Variants in STXBP5L observed in about 807,000 individuals in gnomAD.
STXBP5L encodes the protein syntaxin-binding protein 5-like.
Under a neutral mutation model 144.5 loss-of-function variants are expected in STXBP5L, and 65 were observed. That is an observed-to-expected ratio of 0.45 (90% CI 0.37 to 0.55). The LOEUF (loss-of-function observed/expected upper bound fraction) is 0.55. Among genes scored for constraint, STXBP5L ranks in the 20% least tolerant of loss-of-function variants. STXBP5L has a pLI of 0.00. For synonymous variants in STXBP5L, 505 were observed against 469.6 expected (o/e 1.08, Z -0.97); for missense variants, 1,298 against 1,405.5 (o/e 0.92, Z 1.22).
intron 3 of STXBP5L, among the ~76,000 whole-genome samples, chr3:121,027,970 T>G (rs763287388): frequency 2.6e-5 from 4 of 152,072 alleles, no homozygotes; most frequent in Admixed American, 1.3e-4. Context: ...TTGAGTACTC[T>G]GTAAACTGTC....
At chr3:121,306,835 TGTACA>T (rs1288447512) in intron 19 of STXBP5L, among the ~76,000 whole-genome samples, 1 of 152,128 alleles carries the variant, frequency 6.6e-6, no homozygotes, top group African/African-American at 2.4e-5. Flanking sequence ...ATCAGAATAC[TGTACA>T]ATGTATGTCC....
chr3:121,100,479 T>G (rs1036726778), intron 5 of STXBP5L, among the ~76,000 whole-genome samples: 4 of 152,090 alleles, frequency 2.6e-5, no homozygotes, highest in African/African-American at 9.7e-5. Context: ...TCTTAAAAAC[T>G]TGCTCCCGAT....
At chr3:121,124,295 ACT>A (rs1470324151) in intron 7 of STXBP5L, among the ~76,000 whole-genome samples, 1 of 151,654 alleles carries the variant, frequency 6.6e-6, no homozygotes, top group East Asian at 1.9e-4. Flanking sequence ...GCTATTTCTG[ACT>A]CATTATTCTA....
intron 5 of STXBP5L, among the ~76,000 whole-genome samples, chr3:121,083,351 T>C (rs919229136): frequency 1.3e-5 from 2 of 152,214 alleles, no homozygotes; most frequent in African/African-American, 4.8e-5. Context: ...TTGTATTTTC[T>C]GGAAGAGATT....
At chr3:121,322,476 C>A (rs1313200947) in intron 20 of STXBP5L, among the ~76,000 whole-genome samples, 96 of 128,382 alleles carry the variant, frequency 7.5e-4, no homozygotes, top group South Asian at 1.3e-3. Flanking sequence ...GAAACTGTGC[C>A]AAAAAAAAAA....
chr3:121,277,335 C>T (rs2050916499), intron 18 of STXBP5L, among the ~76,000 whole-genome samples: 1 of 152,014 alleles, frequency 6.6e-6, no homozygotes, highest in East Asian at 1.9e-4. Flanking sequence ...CCTCTTAATA[C>T]AATCATCTTG....
intron 5 of STXBP5L, among the ~76,000 whole-genome samples, chr3:121,107,080 A>G (rs529912084): frequency 5.4e-4 from 82 of 151,612 alleles, no homozygotes; most frequent in Non-Finnish European, 9.4e-4. Context: ...CCACTTTTTA[A>G]TGGATTCTTT....
chr3:121,351,909 C>T (rs2045299185), intron 20 of STXBP5L, among the ~76,000 whole-genome samples: 1 of 152,094 alleles, frequency 6.6e-6, no homozygotes, highest in Admixed American at 6.6e-5. Flanking sequence ...GATGGCTAGC[C>T]AGTTTTCCCA....
chr3:121,094,902 G>A (rs950184412), intron 5 of STXBP5L, among the ~76,000 whole-genome samples: 12 of 152,038 alleles, frequency 7.9e-5, no homozygotes, highest in African/African-American at 2.2e-4. Context: ...ATTTTGCAGC[G>A]GCTGGTACTG....
intron 12 of STXBP5L, among the ~76,000 whole-genome samples, chr3:121,236,921 G>T (rs1346434647): frequency 2.6e-5 from 4 of 152,210 alleles, no homozygotes; most frequent in Non-Finnish European, 4.4e-5. Flanking sequence ...CAAGTCTCAT[G>T]TAGCTTTAAA....
chr3:120,975,252 C>T (rs1332323598), intron 3 of STXBP5L, among the ~76,000 whole-genome samples: 1 of 152,078 alleles, frequency 6.6e-6, no homozygotes, highest in Non-Finnish European at 1.5e-5. Flanking sequence ...TTGAAGAGGT[C>T]CTTCACGTCC....
intron 14 of STXBP5L, among the ~76,000 whole-genome samples, chr3:121,248,065 T>G (rs541980206): frequency 2.0e-5 from 3 of 152,190 alleles, no homozygotes; most frequent in Non-Finnish European, 4.4e-5. Context: ...TTTTTTTTCT[T>G]CTTTTTTTTG....
intron 3 of STXBP5L, among the ~76,000 whole-genome samples, chr3:120,971,534 T>C (rs1053279403): frequency 1.3e-5 from 2 of 151,870 alleles, no homozygotes; most frequent in Non-Finnish European, 2.9e-5. Context: ...TTCTGAGTCA[T>C]TTCACATCTT....
intron 3 of STXBP5L, among the ~76,000 whole-genome samples, chr3:121,003,584 T>G (rs970805878): frequency 6.6e-5 from 10 of 152,214 alleles, no homozygotes; most frequent in Non-Finnish European, 1.0e-4. Flanking sequence ...ATTTTGGCTT[T>G]TGTTGCCATT....
chr3:121,141,270 G>T (rs775661076), intron 7 of STXBP5L, among the ~76,000 whole-genome samples: 1 of 152,058 alleles, frequency 6.6e-6, no homozygotes, highest in Non-Finnish European at 1.5e-5. Flanking sequence ...GGGGGTGGTT[G>T]CACATGCCTG....
intron 18 of STXBP5L, among the ~76,000 whole-genome samples, chr3:121,274,077 G>T (rs149218719): frequency 6.6e-6 from 1 of 152,118 alleles, no homozygotes; most frequent in African/African-American, 2.4e-5. Flanking sequence ...TCTCCATTTT[G>T]TTGAGGTCAG....
chr3:121,180,282 T>C (rs371853434), intron 9 of STXBP5L, among the ~76,000 whole-genome samples: 3 of 152,340 alleles, frequency 2.0e-5, no homozygotes, highest in African/African-American at 7.2e-5. Flanking sequence ...GGGTCCCATC[T>C]TTAGCCTACT....
chr3:120,979,746 T>G (rs1346805248), intron 3 of STXBP5L, among the ~76,000 whole-genome samples: 1 of 152,214 alleles, frequency 6.6e-6, no homozygotes, highest in East Asian at 1.9e-4. Flanking sequence ...TTAGTTCTGC[T>G]CTGATCTTTG....
chr3:121,372,068 G>C (rs1304062996), intron 20 of STXBP5L, among the ~76,000 whole-genome samples: 1 of 152,190 alleles, frequency 6.6e-6, no homozygotes, highest in Non-Finnish European at 1.5e-5. Flanking sequence ...GCAGCATGGA[G>C]GCTGCTGTTG....
Sources: gnomAD v4.1 joint callset for allele counts (sites outside exome capture counted in the v4.1 genomes callset) on GRCh38, gnomAD v4.1.1 for gene constraint, MANE v1.5 for transcripts, NCBI Gene and HGNC (gene_info 2026-07-23, HGNC 2026-07-21) for gene names.